Variants in RP1 observed in about 807,000 individuals in gnomAD.
RP1 encodes RP1 axonemal microtubule associated.
A neutral mutation model predicts 14.8 loss-of-function variants in RP1; 16 were observed. The observed-to-expected ratio is 1.08, with a 90% CI of 0.73 to 1.65. The LOEUF is 1.65. Ranked by LOEUF, RP1 falls within the 40% of genes most tolerant of loss-of-function variation. The pLI, the probability that RP1 is intolerant of heterozygous loss-of-function variation, is 0.00. For missense variants in RP1, 2,631 were observed against 2,535.0 expected, an observed-to-expected ratio of 1.04 and a Z score of -0.81; for synonymous variants, 876 against 883.6, an observed-to-expected ratio of 0.99 and a Z score of 0.15.
At chr8:54,759,130 CTGTGTG>C (rs3077333) in intron 22 of RP1, 100,932 of 765,916 alleles carry the variant, frequency 0.13, 2,736 homozygotes, top group East Asian at 0.26. Flanking sequence ...GTGGATGATG[CTGTGTG>C]TGTGTGTGTG....
In RP1 at chr8:54,690,443, T is replaced by G. The variant is rs1807683797; in HGVS notation, c.1718-9024T>G. On this transcript the variant is annotated intron_variant, in intron 12 of 22. Transcript: ENST00000636932. The stretch of plus-strand genomic sequence containing the variant: ...CTTCTCTGAAATCAAACCCCTCTAT[T>G]TTCTGAGCAGAGTTTGAAAGACCTC... 2.0e-5 allele frequency among the ~76,000 whole-genome samples: 3 copies of G among 152,132 alleles called. No individual in the cohort carries two copies. The South Asian group carries it at 6.2e-4, about 32-fold the overall frequency.
In RP1 at chr8:54,626,942, GCATGAACAC is replaced by G. The variant is rs1185075660; in HGVS notation, c.3061_3069del (p.His1021_His1023del). The stretch of plus-strand genomic sequence containing the variant: ...TGAATGATGCTTATTTGGTTCCCCT[GCATGAACAC>G]TGTACTTTGTCACAGTCAGCTATTA... On this transcript the variant is annotated inframe_deletion, in exon 4 of 4. Coordinates refer to ENST00000220676, the MANE Select transcript of RP1 (RefSeq NM_006269.2). The G allele has an allele frequency of 6.2e-7, 1 of 1,613,956 alleles. No individual in the cohort carries two copies. Among genetic ancestry groups the G allele is most frequent in the South Asian group, 1.1e-5 (1 of 91,070 alleles).
At position 54,699,828 on chromosome 8, in the gene RP1, C is replaced by T. The variant is rs367863710; in HGVS notation, c.1821+258C>T. 2.0e-5 allele frequency among the ~76,000 whole-genome samples: 3 copies of T among 152,254 alleles called. No individual in the cohort carries two copies. The South Asian group carries it at 6.2e-4, about 32-fold the overall frequency. On this transcript the variant is annotated intron_variant, in intron 13 of 22. Coordinates refer to the RP1 transcript ENST00000636932. ...TAATGAGCTTTCAAAAGAAGACTGA[C>T]TTCTCAATGGCCCTTTTAGGGACCA...
At chr8:54,763,915 T>G (rs10958426) in intron 22 of RP1, among the ~76,000 whole-genome samples, 46,438 of 150,370 alleles carry the variant, frequency 0.31, 8,381 homozygotes, top group Middle Eastern at 0.48. Context: ...GACTTTAAAA[T>G]TTTTTTTTTT....
At chr8:54,860,487 A>G (rs1812319027) in intron 27 of RP1, among the ~76,000 whole-genome samples, 1 of 152,226 alleles carries the variant, frequency 6.6e-6, no homozygotes, top group Non-Finnish European at 1.5e-5. Context: ...TAGAACTTCA[A>G]AACATTTAGG....
chr8:54,628,669 C>CTGACAG lies in RP1; in HGVS notation c.4797_4802dup (p.Asp1599_Ser1600dup), dbSNP rs1306684551. ...ACTTCTGATTGGTCAGACTATCGGC[C>CTGACAG]TGACAGTGACAGTGAGCAGCCATAT... On this transcript the variant is annotated inframe_insertion, in exon 4 of 4. Coordinates refer to ENST00000220676, the MANE Select transcript of RP1 (RefSeq NM_006269.2). 6.2e-7 allele frequency: 1 copy of CTGACAG among 1,614,034 alleles called. No individual in the cohort carries two copies.
At chr8:54,774,571 C>T (rs1209385085), downstream of RP1, among the ~76,000 whole-genome samples, 1 of 152,154 alleles carries the variant, frequency 6.6e-6, no homozygotes, top group African/African-American at 2.4e-5. Flanking sequence ...AAGTGAGCAA[C>T]CAGGAAGACA....
At chr8:54,711,750 A>G (rs1808297744) in intron 15 of RP1, among the ~76,000 whole-genome samples, 1 of 152,154 alleles carries the variant, frequency 6.6e-6, no homozygotes, top group African/African-American at 2.4e-5. Context: ...TTCTAAATTT[A>G]ATGATTGTAA....
intron 8 of RP1, among the ~76,000 whole-genome samples, chr8:54,676,134 T>C (rs780884993): frequency 2.0e-5 from 3 of 152,050 alleles, no homozygotes; most frequent in Admixed American, 6.6e-5. Flanking sequence ...TAGGTTCCAA[T>C]AGATGAATTT....
At chr8:54,782,332 G>A (rs75340671) in intron 23 of RP1, among the ~76,000 whole-genome samples, 65 of 152,228 alleles carry the variant, frequency 4.3e-4, no homozygotes, top group Non-Finnish European at 7.2e-4. Context: ...TTTATTTGAT[G>A]CAAGTTTTAT....
At chr8:54,724,396 T>C (rs1431223361) in intron 16 of RP1, among the ~76,000 whole-genome samples, 1 of 152,202 alleles carries the variant, frequency 6.6e-6, no homozygotes, top group African/African-American at 2.4e-5. Flanking sequence ...TATAGTCTGG[T>C]AGATCTTGAT....
chr8:54,830,860 C>A lies in RP1; in HGVS notation c.3616-6590C>A, dbSNP rs181140579. Reference sequence around the variant, plus strand: ...TCTGTACACATTCAGCAATTACTCTCCATTCTCCCCTCCCTTTCAGAGCTG... The same window carrying A: ...TCTGTACACATTCAGCAATTACTCTACATTCTCCCCTCCCTTTCAGAGCTG... On this transcript the variant is annotated intron_variant, in intron 24 of 28. Transcript: ENST00000637698. Among the ~76,000 whole-genome samples the A allele has an allele frequency of 2.3e-3, 349 of 152,210 alleles. 3 individuals carry two copies. The highest frequency in any genetic ancestry group is 4.1e-3 in the Non-Finnish European group (281 of 67,946).
chr8:54,610,561 T>A (rs1805567194), intron 1 of RP1, among the ~76,000 whole-genome samples: 1 of 152,242 alleles, frequency 6.6e-6, no homozygotes, highest in Non-Finnish European at 1.5e-5. Flanking sequence ...TCTAATATGC[T>A]TTTCAAGGTG....
upstream of RP1, among the ~76,000 whole-genome samples, chr8:54,612,558 C>T (rs892625464): frequency 6.6e-6 from 1 of 152,196 alleles, no homozygotes; most frequent in Non-Finnish European, 1.5e-5. Flanking sequence ...GTTCCTGGCA[C>T]TGCCTACTCT....
At chr8:54,563,616 G>C (rs920040728) in intron 1 of RP1, among the ~76,000 whole-genome samples, 2 of 152,034 alleles carry the variant, frequency 1.3e-5, no homozygotes. Context: ...CGAGATCATA[G>C]CTCACTACAG....
At chr8:54,658,712 T>C (rs571279546) in intron 6 of RP1, among the ~76,000 whole-genome samples, 2 of 152,350 alleles carry the variant, frequency 1.3e-5, no homozygotes, top group African/African-American at 2.4e-5. Flanking sequence ...TAAATATCTC[T>C]TTGAGATTCT....
intron 23 of RP1, among the ~76,000 whole-genome samples, chr8:54,776,593 G>T (rs1180919655): frequency 6.6e-6 from 1 of 152,184 alleles, no homozygotes; most frequent in Non-Finnish European, 1.5e-5. Context: ...TCAAAGGAAG[G>T]CAAGTCAAGT....
chr8:54,837,658 C>T, exon 25 of RP1: 1 of 1,229,254 alleles, frequency 8.1e-7, no homozygotes, highest in Non-Finnish European at 1.0e-6. Context: ...CCAAAGAAAG[C>T]ACCTTTGCCA....
chr8:54,813,674 A>G (rs1811067694), intron 24 of RP1, among the ~76,000 whole-genome samples: 1 of 152,246 alleles, frequency 6.6e-6, no homozygotes, highest in Non-Finnish European at 1.5e-5. Flanking sequence ...AGTCACATGG[A>G]CATCCTCGTG....
Sources: gnomAD v4.1 joint callset for allele counts (sites outside exome capture counted in the v4.1 genomes callset) on GRCh38, gnomAD v4.1.1 for gene constraint, MANE v1.5 for transcripts, NCBI Gene and HGNC (gene_info 2026-07-23, HGNC 2026-07-21) for gene names.